Variants in KCNIP4 observed in about 807,000 individuals in gnomAD.
The protein encoded by KCNIP4 is Kv channel-interacting protein 4.
KCNIP4 carries 12 observed loss-of-function variants against 34.0 expected under a neutral mutation model. That is an observed-to-expected ratio of 0.35 (90% CI 0.23 to 0.57). KCNIP4 has a LOEUF of 0.57. KCNIP4 is among the 20% of genes least tolerant of loss of function. The pLI is 0.83. For missense variants in KCNIP4, 238 were observed against 311.7 expected (o/e 0.76, Z 1.78); for synonymous variants, 124 against 102.2 (o/e 1.21, Z -1.29).
At chr4:21,851,736 T>C (rs572333689) in intron 1 of KCNIP4, 1 of 152,104 alleles carries the variant, frequency 6.6e-6, no homozygotes, top group African/African-American at 2.4e-5. Context: ...AAAAGCTATA[T>C]ATACCACGTA....
At chr4:21,847,921 G>A (rs182184178) in intron 1 of KCNIP4, 21 of 151,824 alleles carry the variant, frequency 1.4e-4, no homozygotes, top group African/African-American at 1.9e-4. Flanking sequence ...ACAAAAGCCC[G>A]CCTTTCCTTT....
chr4:21,909,701 G>A (rs1034817866), intron 1 of KCNIP4, among the ~76,000 whole-genome samples: 2 of 152,026 alleles, frequency 1.3e-5, no homozygotes, highest in African/African-American at 2.4e-5. Context: ...CTGATACTGG[G>A]TAACTTATAA....
At chr4:21,089,231 CA>C (rs200157288) in intron 1 of KCNIP4, among the ~76,000 whole-genome samples, 1,771 of 152,240 alleles carry the variant, frequency 0.012, 38 homozygotes, top group African/African-American at 0.04. Context: ...TTGCTGTTCT[CA>C]TGATAGTGAG....
chr4:20,762,833 G>A (rs1390612952), intron 3 of KCNIP4, among the ~76,000 whole-genome samples: 1 of 152,136 alleles, frequency 6.6e-6, no homozygotes. Context: ...CCCAAGTCTG[G>A]GTAATTTATA....
chr4:21,862,602 G>A (rs908155844), intron 1 of KCNIP4, among the ~76,000 whole-genome samples: 3 of 152,156 alleles, frequency 2.0e-5, no homozygotes, highest in Non-Finnish European at 4.4e-5. Flanking sequence ...TAAGGGAAGG[G>A]CTGTATTTGT....
chr4:21,275,101 T>C (rs1401863819), intron 1 of KCNIP4, among the ~76,000 whole-genome samples: 2 of 152,186 alleles, frequency 1.3e-5, no homozygotes, highest in African/African-American at 4.8e-5. Flanking sequence ...GGAACCATCA[T>C]TGGTTCTGAT....
At chr4:21,432,137 T>TATATATATAC (rs1428536684) in intron 1 of KCNIP4, among the ~76,000 whole-genome samples, 1 of 112,220 alleles carries the variant, frequency 8.9e-6, no homozygotes, top group African/African-American at 3.3e-5. Flanking sequence ...TATATATATA[T>TATATATATAC]ACAATCTCCT....
intron 1 of KCNIP4, among the ~76,000 whole-genome samples, chr4:21,589,156 GTATATA>G (rs375787939): frequency 6.9e-4 from 49 of 71,238 alleles, no homozygotes; most frequent in South Asian, 1.9e-3. Flanking sequence ...ATGGAGGTGT[GTATATA>G]TATATATATA....
At chr4:21,411,943 G>T (rs903458643) in intron 1 of KCNIP4, among the ~76,000 whole-genome samples, 6 of 152,148 alleles carry the variant, frequency 3.9e-5, no homozygotes, top group East Asian at 1.9e-4. Context: ...TCATCATAAA[G>T]CTCCTTCTAG....
At chr4:20,896,521 C>T (rs956436334) in intron 1 of KCNIP4, among the ~76,000 whole-genome samples, 4 of 152,038 alleles carry the variant, frequency 2.6e-5, no homozygotes, top group African/African-American at 9.7e-5. Context: ...GGGAAGCAGG[C>T]CATGTGAGGA....
intron 1 of KCNIP4, among the ~76,000 whole-genome samples, chr4:21,191,217 G>A (rs1244471052): frequency 6.6e-6 from 1 of 152,198 alleles, no homozygotes; most frequent in Non-Finnish European, 1.5e-5. Flanking sequence ...AGCATTCTGA[G>A]TCACCTTTTC....
At chr4:21,266,424 T>C (rs549713168) in intron 1 of KCNIP4, among the ~76,000 whole-genome samples, 80 of 152,250 alleles carry the variant, frequency 5.3e-4, no homozygotes, top group African/African-American at 1.8e-3. Flanking sequence ...TGAAAATACA[T>C]TGAGGACAAC....
intron 1 of KCNIP4, among the ~76,000 whole-genome samples, chr4:21,337,995 C>T (rs71607067): frequency 0.025 from 3,875 of 152,100 alleles, 200 homozygotes; most frequent in East Asian, 0.2. Context: ...CGCTAGTGAC[C>T]CATGCTCCTT....
At chr4:21,066,859 T>G (rs1193931815) in intron 1 of KCNIP4, among the ~76,000 whole-genome samples, 3 of 152,114 alleles carry the variant, frequency 2.0e-5, no homozygotes, top group Non-Finnish European at 4.4e-5. Context: ...TCCTGTGCTG[T>G]GCTGGGCTCA....
chr4:21,359,793 G>C (rs1203376441), intron 1 of KCNIP4, among the ~76,000 whole-genome samples: 1 of 152,010 alleles, frequency 6.6e-6, no homozygotes. Flanking sequence ...AATCAAATTG[G>C]TCCTGAGGTC....
At chr4:21,648,837 C>A (rs201313866) in intron 1 of KCNIP4, among the ~76,000 whole-genome samples, 2 of 152,100 alleles carry the variant, frequency 1.3e-5, no homozygotes, top group East Asian at 3.9e-4. Flanking sequence ...CCCCGCACAT[C>A]ATAGAAAGTC....
intron 4 of KCNIP4, among the ~76,000 whole-genome samples, chr4:20,753,967 A>T (rs1325906314): frequency 1.3e-5 from 2 of 152,170 alleles, no homozygotes; most frequent in African/African-American, 4.8e-5. Context: ...CCTAGTGTAG[A>T]CAACATAAGT....
At chr4:20,735,534 T>G (rs979830192) in intron 5 of KCNIP4, among the ~76,000 whole-genome samples, 3 of 39,722 alleles carry the variant, frequency 7.6e-5, no homozygotes, top group Admixed American at 6.3e-4. Flanking sequence ...TTTTTTGTTT[T>G]TTTTTTTTTT....
Position 21,536,739 on chromosome 4 carries a change from C to T in KCNIP4, c.61+411832G>A, listed in dbSNP as rs939445398. 2.6e-5 allele frequency among the ~76,000 whole-genome samples: 4 copies of T among 152,024 alleles called. No homozygotes were observed. The South Asian group carries it at 8.3e-4, about 32-fold the overall frequency. The stretch of plus-strand genomic sequence containing the variant: ...AGGGTTGCAGTGAGCCGAGATCACG[C>T]CACTGCACTCCAGCCTGGCTGACAG... On this transcript the variant is annotated intron_variant, in intron 1 of 8. Coordinates refer to ENST00000382152, the MANE Select transcript of KCNIP4 (RefSeq NM_025221.6).
Sources: allele counts gnomAD v4.1 joint callset (sites outside exome capture counted in the v4.1 genomes callset), GRCh38; gene constraint gnomAD v4.1.1; transcripts MANE v1.5; gene names NCBI Gene and HGNC (gene_info 2026-07-23, HGNC 2026-07-21).